The following MAP1LC3B2 variants were observed in gnomAD, a reference collection of about 807,000 sequenced individuals.
MAP1LC3B2 encodes the protein microtubule associated protein 1 light chain 3 beta 2.
For missense variants in MAP1LC3B2, 155 were observed against 154.6 expected (o/e 1.00, Z -0.01); for synonymous variants, 62 against 57.8 (o/e 1.07, Z -0.33).
intron 1 of MAP1LC3B2, among the ~76,000 whole-genome samples, chr12:116,562,197 G>T (rs1869289805): frequency 6.6e-6 from 1 of 152,188 alleles, no homozygotes; most frequent in South Asian, 2.1e-4. Flanking sequence ...GCCTGAGACC[G>T]ATGCCAAAAC....
At position 116,576,573 on chromosome 12, in the gene MAP1LC3B2, ATAAAATACTT is replaced by A. The variant is rs1869693795; in HGVS notation, c.*255_*264del. 1 of 427,254 alleles carries A rather than the reference ATAAAATACTT, an allele frequency of 2.3e-6. No homozygotes were observed. Among genetic ancestry groups the A allele is most frequent in the Non-Finnish European group, 4.2e-6 (1 of 240,888 alleles). 26.5% of individuals were successfully genotyped at this position (427,254 alleles called of 1,614,324 possible). A position where few individuals can be genotyped will look rare whatever the true frequency, so the allele number is the denominator to read the frequency against. ...GTTTTCAAATTTTAAAAGTTTAAAA[ATAAAATACTT>A]TGCATTCTAAAAAAAAAAAAAAATT... On this transcript the variant is annotated 3_prime_UTR_variant, in exon 2 of 2. Transcript: ENST00000556529.
intron 1 of MAP1LC3B2, among the ~76,000 whole-genome samples, chr12:116,572,314 C>T (rs1172546875): frequency 6.6e-6 from 1 of 151,878 alleles, no homozygotes; most frequent in Non-Finnish European, 1.5e-5. Flanking sequence ...CTAACATTTT[C>T]ATCTCAAAAG....
chr12:116,565,968 G>T (rs1356840305), intron 1 of MAP1LC3B2, among the ~76,000 whole-genome samples: 2 of 151,974 alleles, frequency 1.3e-5, no homozygotes, highest in Non-Finnish European at 2.9e-5. Context: ...TCACCACAAG[G>T]CTGCATGAAT....
At chr12:116,566,724 G>A (rs1293169772) in intron 1 of MAP1LC3B2, among the ~76,000 whole-genome samples, 5 of 150,286 alleles carry the variant, frequency 3.3e-5, no homozygotes, top group African/African-American at 1.2e-4. Flanking sequence ...CTGAGGTCAG[G>A]AGTTCGAGAC....
At chr12:116,560,777 T>C (rs1205190689) in intron 1 of MAP1LC3B2, among the ~76,000 whole-genome samples, 1 of 150,594 alleles carries the variant, frequency 6.6e-6, no homozygotes, top group East Asian at 2.0e-4. Flanking sequence ...GGAAGGCAGA[T>C]CCAGCTTGGG....
At chr12:116,566,493 C>A (rs1310987693) in intron 1 of MAP1LC3B2, among the ~76,000 whole-genome samples, 2 of 151,682 alleles carry the variant, frequency 1.3e-5, no homozygotes, top group South Asian at 2.1e-4. Flanking sequence ...GTGTGTGTAA[C>A]CTCTACAAAA....
intron 1 of MAP1LC3B2, among the ~76,000 whole-genome samples, chr12:116,563,089 G>A (rs1481285726): frequency 3.9e-5 from 6 of 152,130 alleles, no homozygotes; most frequent in African/African-American, 1.2e-4. Flanking sequence ...AGCCTCTCGA[G>A]TAGCTGGGAT....
At chr12:116,564,601 T>G (rs186932045) in intron 1 of MAP1LC3B2, among the ~76,000 whole-genome samples, 1 of 152,310 alleles carries the variant, frequency 6.6e-6, no homozygotes, top group Non-Finnish European at 1.5e-5. Context: ...ATTATTCAGC[T>G]TATACCTCTC....
intron 1 of MAP1LC3B2, among the ~76,000 whole-genome samples, chr12:116,566,616 TAAA>T (rs58530141): frequency 4.8e-4 from 44 of 91,640 alleles, no homozygotes; most frequent in African/African-American, 1.6e-3. Flanking sequence ...AGTCAGTGAT[TAAA>T]AAAAAAAAAA....
At chr12:116,572,333 C>T (rs1006667909) in intron 1 of MAP1LC3B2, among the ~76,000 whole-genome samples, 5 of 151,360 alleles carry the variant, frequency 3.3e-5, no homozygotes, top group African/African-American at 1.2e-4. Context: ...AGAATCAAAA[C>T]GTATCTAGTC....
chr12:116,567,880 G>T (rs1869432007), intron 1 of MAP1LC3B2, among the ~76,000 whole-genome samples: 1 of 152,174 alleles, frequency 6.6e-6, no homozygotes, highest in South Asian at 2.1e-4. Context: ...AGTGGGAAGG[G>T]ATTTGGGGAT....
intron 1 of MAP1LC3B2, among the ~76,000 whole-genome samples, chr12:116,568,102 G>T (rs1461529418): frequency 6.6e-6 from 1 of 152,200 alleles, no homozygotes; most frequent in East Asian, 1.9e-4. Context: ...AGACTCCAAT[G>T]CCTTGATAGC....
Position 116,576,348 on chromosome 12 carries a change from AT to A in MAP1LC3B2, c.*34del, listed in dbSNP as rs770324017. Reference sequence around the variant, plus strand: ...CCAGAAAAAATGCATCTCTTCTAGAATTTTTTAAACCCTTACCAAGGAAAAA... The same window carrying A: ...CCAGAAAAAATGCATCTCTTCTAGAATTTTTAAACCCTTACCAAGGAAAAA... On this transcript the variant is annotated 3_prime_UTR_variant, in exon 2 of 2. Transcript: ENST00000556529. The A allele has an allele frequency of 5.6e-5, 90 of 1,594,054 alleles. No individual in the cohort carries two copies. The highest frequency in any genetic ancestry group is 4.4e-5 in the Non-Finnish European group (52 of 1,174,138).
chr12:116,561,505 C>A (rs767555293), intron 1 of MAP1LC3B2, among the ~76,000 whole-genome samples: 15 of 152,196 alleles, frequency 9.9e-5, no homozygotes, highest in African/African-American at 3.6e-4. Context: ...ATCTTGTTTG[C>A]GTGGACACCG....
At chr12:116,562,196 C>T (rs539333353) in intron 1 of MAP1LC3B2, among the ~76,000 whole-genome samples, 5 of 152,262 alleles carry the variant, frequency 3.3e-5, no homozygotes, top group South Asian at 4.1e-4. Flanking sequence ...TGCCTGAGAC[C>T]GATGCCAAAA....
At chr12:116,573,371 T>C (rs1207072973) in intron 1 of MAP1LC3B2, among the ~76,000 whole-genome samples, 1 of 152,196 alleles carries the variant, frequency 6.6e-6, no homozygotes, top group African/African-American at 2.4e-5. Context: ...CAAACGATCT[T>C]AGTTATATTC....
intron 1 of MAP1LC3B2, among the ~76,000 whole-genome samples, chr12:116,572,356 G>A (rs1478822087): frequency 7.0e-6 from 1 of 143,168 alleles, no homozygotes; most frequent in Non-Finnish European, 1.5e-5. Context: ...AAAAGGAAAG[G>A]CATGCCTCAG....
At chr12:116,562,524 C>T (rs999210778) in intron 1 of MAP1LC3B2, among the ~76,000 whole-genome samples, 6 of 152,096 alleles carry the variant, frequency 3.9e-5, no homozygotes, top group African/African-American at 1.4e-4. Context: ...TCCATGTAGC[C>T]CTGGGAAGGT....
intron 1 of MAP1LC3B2, chr12:116,559,729 G>A (rs1246671074): frequency 6.6e-6 from 1 of 152,190 alleles, no homozygotes; most frequent in Non-Finnish European, 1.5e-5. Flanking sequence ...TTAAAGCCCA[G>A]CGGAGGGGCC....
Sources: allele counts gnomAD v4.1 joint callset (sites outside exome capture counted in the v4.1 genomes callset), GRCh38; gene constraint gnomAD v4.1.1; transcripts MANE v1.5; gene names NCBI Gene and HGNC (gene_info 2026-07-23, HGNC 2026-07-21).